Variants in DOCK8 observed in about 807,000 individuals in gnomAD.
The protein encoded by DOCK8 is dedicator of cytokinesis protein 8.
Under a neutral mutation model 245.6 loss-of-function variants are expected in DOCK8, and 141 were observed. That is an observed-to-expected ratio of 0.57 (90% CI 0.50 to 0.66). The LOEUF (loss-of-function observed/expected upper bound fraction) is 0.66. DOCK8 is among the 30% of genes least tolerant of loss of function. The pLI, the probability that DOCK8 is intolerant of heterozygous loss-of-function variation, is 0.00. For synonymous variants in DOCK8, 1,168 were observed against 970.2 expected (o/e 1.20, Z -3.79); for missense variants, 2,965 against 2,603.4 (o/e 1.14, Z -3.02).
intron 46 of DOCK8, among the ~76,000 whole-genome samples, chr9:462,801 T>C (rs1164868519): frequency 6.6e-6 from 1 of 152,242 alleles, no homozygotes; most frequent in Non-Finnish European, 1.5e-5. Context: ...CTGTCTGCCA[T>C]GTTGCTGTAA....
intron 1 of DOCK8, among the ~76,000 whole-genome samples, chr9:244,469 C>G (rs2047457309): frequency 6.6e-6 from 1 of 152,026 alleles, no homozygotes; most frequent in Admixed American, 6.6e-5. Flanking sequence ...ACAGAGCACT[C>G]TCTACTGTTT....
intron 39 of DOCK8, among the ~76,000 whole-genome samples, chr9:435,289 T>A (rs1009332286): frequency 6.6e-6 from 1 of 152,230 alleles, no homozygotes; most frequent in African/African-American, 2.4e-5. Flanking sequence ...TTTTTTAAAT[T>A]ACTGTTTACA....
At chr9:345,594 A>G (rs1463810826) in intron 14 of DOCK8, among the ~76,000 whole-genome samples, 1 of 152,082 alleles carries the variant, frequency 6.6e-6, no homozygotes, top group Non-Finnish European at 1.5e-5. Flanking sequence ...AGTTATCTTT[A>G]CCTGTCTTAA....
chr9:235,455 T>G (rs2047222371), intron 1 of DOCK8, among the ~76,000 whole-genome samples: 1 of 152,192 alleles, frequency 6.6e-6, no homozygotes, highest in African/African-American at 2.4e-5. Context: ...TCTGCAGAGG[T>G]AACTGCTGTC....
chr9:292,174 C>G (rs2049068519), intron 4 of DOCK8, among the ~76,000 whole-genome samples: 1 of 149,688 alleles, frequency 6.7e-6, no homozygotes, highest in African/African-American at 2.5e-5. Context: ...AGTTTGAGAC[C>G]AGCCTGACCA....
intron 1 of DOCK8, among the ~76,000 whole-genome samples, chr9:270,323 C>A (rs542190098): frequency 6.6e-6 from 1 of 152,322 alleles, no homozygotes; most frequent in East Asian, 1.9e-4. Context: ...TTCTTCCAAT[C>A]TTCTCTCCAT....
intron 22 of DOCK8, among the ~76,000 whole-genome samples, chr9:384,638 C>T (rs887857436): frequency 2.0e-5 from 3 of 152,218 alleles, no homozygotes; most frequent in East Asian, 3.8e-4. Context: ...TGGATTTGGC[C>T]GGGCACCGTG....
intron 26 of DOCK8, among the ~76,000 whole-genome samples, chr9:400,016 CCACCACCTCCACCAT>C (rs2054693900): frequency 2.9e-5 from 3 of 103,448 alleles, no homozygotes; most frequent in African/African-American, 6.7e-5. Flanking sequence ...TCCACCATCA[CCACCACCTCCACCAT>C]CACCACCACC....
intron 26 of DOCK8, among the ~76,000 whole-genome samples, chr9:401,121 C>T (rs894577984): frequency 3.3e-5 from 5 of 152,060 alleles, no homozygotes; most frequent in Non-Finnish European, 2.9e-5. Flanking sequence ...ATCACCACCA[C>T]GTTCTCTGTG....
chr9:289,987 G>A (rs1161177720), intron 4 of DOCK8, among the ~76,000 whole-genome samples: 1 of 151,986 alleles, frequency 6.6e-6, no homozygotes, highest in Non-Finnish European at 1.5e-5. Flanking sequence ...CTCCCTCCCT[G>A]GCAACCACTT....
At chr9:438,886 G>GTT (rs2056992760) in intron 39 of DOCK8, among the ~76,000 whole-genome samples, 3 of 152,204 alleles carry the variant, frequency 2.0e-5, no homozygotes, top group Non-Finnish European at 4.4e-5. Flanking sequence ...GTGAAACAGG[G>GTT]AGCCTAGTTA....
chr9:389,259 A>G lies in DOCK8; in HGVS notation c.2875-1212A>G, dbSNP rs139152447. Among the ~76,000 whole-genome samples, 1,004 of 152,360 alleles carry G rather than the reference A, an allele frequency of 6.6e-3. 12 individuals are homozygous for G. Among genetic ancestry groups the G allele is most frequent in the South Asian group, 0.021 (100 of 4,824 alleles). On this transcript the variant is annotated intron_variant, in intron 23 of 47. Transcript: ENST00000432829. ...TTCCTCATCAAAATGATTGTCAGGAATATGAACACATAGCCAGATATGCTG... is the reference window on the plus strand; with the variant it reads ...TTCCTCATCAAAATGATTGTCAGGAGTATGAACACATAGCCAGATATGCTG...
intron 30 of DOCK8, 133 bp downstream of exon 30, chr9:418,340 C>T: frequency 8.2e-7 from 1 of 1,215,872 alleles, no homozygotes; most frequent in Non-Finnish European, 1.2e-6. Context: ...GGCGCAATCT[C>T]AGTTCACTGC....
chr9:434,066 C>T (rs1258907197), intron 38 of DOCK8, 91 bp downstream of exon 38: 2 of 912,600 alleles, frequency 2.2e-6, no homozygotes, highest in African/African-American at 3.2e-5. Flanking sequence ...TCACAGCTAA[C>T]ATGGATATAG....
intron 1 of DOCK8, among the ~76,000 whole-genome samples, chr9:257,532 T>A (rs1447079584): frequency 6.6e-6 from 1 of 152,130 alleles, no homozygotes; most frequent in Non-Finnish European, 1.5e-5. Flanking sequence ...TTTGGTTTTG[T>A]TTTTTTGAGA....
intron 3 of DOCK8, among the ~76,000 whole-genome samples, chr9:288,354 G>T (rs768353885): frequency 1.3e-5 from 2 of 152,142 alleles, no homozygotes; most frequent in Non-Finnish European, 2.9e-5. Flanking sequence ...AACGCTACAG[G>T]TGAGCTGCCT....
At chr9:256,733 A>G (rs960902481) in intron 1 of DOCK8, among the ~76,000 whole-genome samples, 4 of 152,130 alleles carry the variant, frequency 2.6e-5, no homozygotes, top group Non-Finnish European at 5.9e-5. Flanking sequence ...GGATCGCTGG[A>G]TAGGGCAGTC....
intron 1 of DOCK8, among the ~76,000 whole-genome samples, chr9:235,185 A>G (rs2047216213): frequency 6.6e-6 from 1 of 152,196 alleles, no homozygotes; most frequent in Non-Finnish European, 1.5e-5. Flanking sequence ...TTGCCTGGGT[A>G]TCAGCAGCGG....
At chr9:298,618 AGTGTGTGTGTGTGTGT>A (rs34998339) in intron 4 of DOCK8, among the ~76,000 whole-genome samples, 2 of 145,304 alleles carry the variant, frequency 1.4e-5, no homozygotes, top group Non-Finnish European at 3.0e-5. Context: ...CACATCTGTA[AGTGTGTGTGTGTGTGT>A]GTGTGTGTGT....
Sources: allele counts gnomAD v4.1 joint callset (sites outside exome capture counted in the v4.1 genomes callset), GRCh38; gene constraint gnomAD v4.1.1; transcripts MANE v1.5; gene names NCBI Gene and HGNC (gene_info 2026-07-23, HGNC 2026-07-21).